Variants in ACVR1C observed in about 807,000 individuals in gnomAD.
ACVR1C encodes the protein activin receptor type-1C.
ACVR1C carries 23 observed loss-of-function variants against 57.9 expected under a neutral mutation model. The observed-to-expected ratio is 0.40, with a 90% CI of 0.29 to 0.56. The LOEUF (loss-of-function observed/expected upper bound fraction) is 0.56, where lower values mean the gene tolerates loss of function less well. Among genes scored for constraint, ACVR1C ranks in the 20% least tolerant of loss-of-function variants. The pLI is 0.50. For synonymous variants in ACVR1C, 214 were observed against 215.3 expected (o/e 0.99, Z 0.05); for missense variants, 480 against 607.9 (o/e 0.79, Z 2.21).
chr2:157,594,888 A>C (rs1345582091), intron 1 of ACVR1C, among the ~76,000 whole-genome samples: 3 of 152,260 alleles, frequency 2.0e-5, no homozygotes, highest in African/African-American at 7.2e-5. Context: ...TTATTTATTT[A>C]CTTACTGCCT....
At chr2:157,550,730 A>G (rs1687893853) in intron 3 of ACVR1C, among the ~76,000 whole-genome samples, 1 of 87,002 alleles carries the variant, frequency 1.1e-5, no homozygotes, top group Non-Finnish European at 2.8e-5. Context: ...CACAAGAGTA[A>G]AAGCAAAAAA....
At chr2:157,564,311 C>T (rs1305458918) in intron 2 of ACVR1C, among the ~76,000 whole-genome samples, 1 of 152,178 alleles carries the variant, frequency 6.6e-6, no homozygotes, top group Non-Finnish European at 1.5e-5. Flanking sequence ...TATGAACAGA[C>T]ACTTCTCAGA....
At chr2:157,572,784 C>T (rs1017451790) in intron 2 of ACVR1C, among the ~76,000 whole-genome samples, 2 of 152,164 alleles carry the variant, frequency 1.3e-5, no homozygotes, top group South Asian at 4.1e-4. Context: ...AGAGCACTTT[C>T]CAAACAATAA....
intron 1 of ACVR1C, among the ~76,000 whole-genome samples, chr2:157,588,595 T>G (rs952738471): frequency 2.1e-5 from 1 of 47,458 alleles, no homozygotes; most frequent in Admixed American, 2.1e-4. Context: ...CCTCCCACCC[T>G]CCCCCACCTC....
intron 1 of ACVR1C, among the ~76,000 whole-genome samples, chr2:157,594,378 T>A: frequency 6.6e-6 from 1 of 151,728 alleles, no homozygotes. Context: ...CAATTCTCAA[T>A]ATAAGTGACT....
intron 7 of ACVR1C, 144 bp downstream of exon 7, chr2:157,540,946 C>T (rs1573904412): frequency 9.7e-7 from 1 of 1,034,050 alleles, no homozygotes; most frequent in Admixed American, 2.7e-5. Flanking sequence ...ACTTTTGCCA[C>T]TGGAAATATA....
chr2:157,530,958 A>G lies in ACVR1C; in HGVS notation c.*2960T>C, dbSNP rs1397386267. 2 of 152,076 alleles carry G rather than the reference A, an allele frequency of 1.3e-5. No individual in the cohort carries two copies. The allele number at this position is 152,076 out of a possible 1,614,324, so 9.4% of individuals were successfully genotyped here. On this transcript the variant is annotated 3_prime_UTR_variant, in exon 9 of 9. Coordinates refer to ENST00000243349, the MANE Select transcript of ACVR1C (RefSeq NM_145259.3). ...CATTTAAATCCCATCACCACTTTAT[A>G]CAGTACTGAAAATTCATAATAGTGT... is the stretch of plus-strand genomic sequence containing the variant.
intron 1 of ACVR1C, among the ~76,000 whole-genome samples, chr2:157,600,884 A>C (rs1379949450): frequency 1.3e-5 from 2 of 152,194 alleles, no homozygotes; most frequent in African/African-American, 4.8e-5. Context: ...AAACATAAAA[A>C]GGGCGCATCA....
At chr2:157,566,527 G>C (rs1298982963) in intron 2 of ACVR1C, among the ~76,000 whole-genome samples, 2 of 152,200 alleles carry the variant, frequency 1.3e-5, no homozygotes, top group Non-Finnish European at 2.9e-5. Flanking sequence ...GCCGAAGCAG[G>C]GCGAGGCATT....
chr2:157,600,871 T>C (rs920441351), intron 1 of ACVR1C, among the ~76,000 whole-genome samples: 3 of 152,142 alleles, frequency 2.0e-5, no homozygotes, highest in African/African-American at 7.2e-5. Flanking sequence ...TCATATATTG[T>C]GCAAACATAA....
chr2:157,616,453 C>T (rs1310012524), intron 1 of ACVR1C, among the ~76,000 whole-genome samples: 1 of 152,138 alleles, frequency 6.6e-6, no homozygotes, highest in Non-Finnish European at 1.5e-5. Context: ...ACTGTTCATG[C>T]ATATTTTCCA....
In ACVR1C at chr2:157,567,255, A is replaced by C. The variant is rs1688416982; in HGVS notation, c.305-10923T>G. On this transcript the variant is annotated intron_variant, in intron 2 of 8. Transcript: ENST00000243349. The stretch of plus-strand genomic sequence containing the variant: ...AAAGACCAAAAGTAGATAAAACCAC[A>C]AAGTTGGGGAAAAAACAGAACAGAA... 2.0e-5 allele frequency among the ~76,000 whole-genome samples: 2 copies of C among 101,334 alleles called. 1 individual carries two copies. The highest frequency in any genetic ancestry group is 4.1e-5 in the Non-Finnish European group (2 of 48,846). 66.5% of individuals were successfully genotyped at this position (101,334 alleles called of 152,430 possible).
intron 2 of ACVR1C, among the ~76,000 whole-genome samples, chr2:157,566,545 C>T (rs908663457): frequency 3.0e-4 from 45 of 152,242 alleles, no homozygotes; most frequent in African/African-American, 9.9e-4. Context: ...ATTGCCTCAC[C>T]TGGGAAGCAC....
At chr2:157,581,755 TC>T (rs1254240965) in intron 2 of ACVR1C, among the ~76,000 whole-genome samples, 6 of 152,226 alleles carry the variant, frequency 3.9e-5, no homozygotes, top group African/African-American at 9.6e-5. Flanking sequence ...TTGTCCGGCC[TC>T]TTCTGGTCAC....
At chr2:157,553,961 T>C (rs1017431714) in intron 3 of ACVR1C, among the ~76,000 whole-genome samples, 1 of 151,782 alleles carries the variant, frequency 6.6e-6, no homozygotes, top group Non-Finnish European at 1.5e-5. Flanking sequence ...GGCAGGCAGA[T>C]CACTTGAGTT....
intron 2 of ACVR1C, among the ~76,000 whole-genome samples, chr2:157,572,393 A>C (rs922603892): frequency 6.6e-6 from 1 of 150,980 alleles, no homozygotes; most frequent in Non-Finnish European, 1.5e-5. Flanking sequence ...AAAAAAAAAA[A>C]GTCTATGCTA....
At chr2:157,611,124 T>G (rs1166345134) in intron 1 of ACVR1C, among the ~76,000 whole-genome samples, 1 of 152,242 alleles carries the variant, frequency 6.6e-6, no homozygotes, top group African/African-American at 2.4e-5. Flanking sequence ...TACATTGATA[T>G]CTGCACTTCT....
intron 1 of ACVR1C, among the ~76,000 whole-genome samples, chr2:157,623,207 CAAA>C (rs1219997462): frequency 6.6e-6 from 1 of 152,060 alleles, no homozygotes; most frequent in East Asian, 1.9e-4. Context: ...GGAGGTTCCT[CAAA>C]AAATTAAAAC....
intron 2 of ACVR1C, among the ~76,000 whole-genome samples, chr2:157,564,897 G>T (rs1688323617): frequency 6.6e-6 from 1 of 152,118 alleles, no homozygotes; most frequent in Non-Finnish European, 1.5e-5. Context: ...TTAAGTGGGA[G>T]TTGAACAATG....
Sources: gnomAD v4.1 joint callset for allele counts (sites outside exome capture counted in the v4.1 genomes callset) on GRCh38, gnomAD v4.1.1 for gene constraint, MANE v1.5 for transcripts, NCBI Gene and HGNC (gene_info 2026-07-23, HGNC 2026-07-21) for gene names.